LRRC4C: variants seen among roughly 807,000 people sequenced by gnomAD.
The protein encoded by LRRC4C is leucine rich repeat containing 4C, also known as leucine-rich repeat-containing protein 4C.
Under a neutral mutation model 33.6 loss-of-function variants are expected in LRRC4C, and 5 were observed. The ratio of observed to expected loss-of-function variants is 0.15; its 90% confidence interval spans 0.08 to 0.31. The LOEUF is 0.31. Among genes scored for constraint, LRRC4C ranks in the 10% least tolerant of loss-of-function variants. LRRC4C has a pLI of 1.00. For synonymous variants in LRRC4C, 329 were observed against 302.0 expected (o/e 1.09, Z -0.93); for missense variants, 560 against 796.7 (o/e 0.70, Z 3.58).
At chr11:40,701,591 T>A (rs1248825935) in intron 2 of LRRC4C, among the ~76,000 whole-genome samples, 1 of 149,982 alleles carries the variant, frequency 6.7e-6, no homozygotes, top group Non-Finnish European at 1.5e-5. Context: ...TAGGAATATG[T>A]TTTCATATAT....
chr11:40,948,131 C>T (rs1958495926), intron 1 of LRRC4C, among the ~76,000 whole-genome samples: 2 of 151,980 alleles, frequency 1.3e-5, no homozygotes, highest in South Asian at 4.1e-4. Context: ...TCTTATGACT[C>T]CCCCATATAA....
intron 1 of LRRC4C, among the ~76,000 whole-genome samples, chr11:41,387,406 T>C (rs1953403636): frequency 6.6e-6 from 1 of 151,646 alleles, no homozygotes; most frequent in South Asian, 2.1e-4. Context: ...CAAAGAGTTT[T>C]CTAAATCACA....
intron 1 of LRRC4C, among the ~76,000 whole-genome samples, chr11:41,375,747 C>A (rs531887818): frequency 6.6e-6 from 1 of 152,126 alleles, no homozygotes; most frequent in African/African-American, 2.4e-5. Context: ...GAAATAGAAA[C>A]TCATTTTGCC....
At chr11:41,171,482 T>G (rs11036270) in intron 1 of LRRC4C, among the ~76,000 whole-genome samples, 25,519 of 151,624 alleles carry the variant, frequency 0.17, 2,698 homozygotes, top group East Asian at 0.37. Context: ...ACCATCATTC[T>G]CAGAAAGCTA....
intron 2 of LRRC4C, among the ~76,000 whole-genome samples, chr11:40,756,401 T>C (rs942411021): frequency 1.3e-5 from 2 of 152,124 alleles, no homozygotes; most frequent in Non-Finnish European, 2.9e-5. Context: ...TTGTGTTTAA[T>C]TGCATTTACT....
intron 1 of LRRC4C, among the ~76,000 whole-genome samples, chr11:41,178,877 A>C (rs1396524355): frequency 1.3e-5 from 2 of 151,928 alleles, no homozygotes; most frequent in African/African-American, 4.8e-5. Flanking sequence ...TAATTTTTGC[A>C]TTTTTAGTAG....
chr11:40,453,261 C>T (rs1173961452), intron 3 of LRRC4C, among the ~76,000 whole-genome samples: 1 of 152,040 alleles, frequency 6.6e-6, no homozygotes, highest in East Asian at 1.9e-4. Flanking sequence ...TTCTGAGTTT[C>T]ATTTTCTTTA....
chr11:40,300,645 A>G (rs1051994228), intron 4 of LRRC4C, among the ~76,000 whole-genome samples: 5 of 152,206 alleles, frequency 3.3e-5, no homozygotes, highest in Admixed American at 3.3e-4. Flanking sequence ...CAGTATTTGC[A>G]TGTAATCTGT....
intron 5 of LRRC4C, among the ~76,000 whole-genome samples, chr11:40,170,234 C>T (rs1859932133): frequency 6.6e-6 from 1 of 152,112 alleles, no homozygotes; most frequent in African/African-American, 2.4e-5. Flanking sequence ...AGCATTTTAC[C>T]TAATGACTCA....
At chr11:41,314,159 A>C (rs542025300) in intron 1 of LRRC4C, among the ~76,000 whole-genome samples, 1 of 152,266 alleles carries the variant, frequency 6.6e-6, no homozygotes, top group East Asian at 1.9e-4. Context: ...AGGAATAAAT[A>C]CTTAAAATAC....
chr11:41,024,139 T>A (rs1297418617), intron 1 of LRRC4C, among the ~76,000 whole-genome samples: 2 of 151,728 alleles, frequency 1.3e-5, no homozygotes, highest in Non-Finnish European at 2.9e-5. Flanking sequence ...TAATTTCTTA[T>A]CTAAGTGTAG....
chr11:40,796,000 A>G (rs989133407), intron 2 of LRRC4C, among the ~76,000 whole-genome samples: 16 of 152,190 alleles, frequency 1.1e-4, no homozygotes, highest in Non-Finnish European at 1.6e-4. Flanking sequence ...TATATTATCT[A>G]TAAGTTTACT....
chr11:40,698,302 A>AT (rs1422276347), intron 2 of LRRC4C, among the ~76,000 whole-genome samples: 4 of 152,078 alleles, frequency 2.6e-5, no homozygotes, highest in African/African-American at 9.7e-5. Flanking sequence ...ATGTTATCTC[A>AT]TTAATAGAAT....
chr11:41,366,197 G>A (rs1952531110), intron 1 of LRRC4C, among the ~76,000 whole-genome samples: 1 of 124,640 alleles, frequency 8.0e-6, no homozygotes, highest in Non-Finnish European at 1.7e-5. Flanking sequence ...TAGATAGATA[G>A]ACAGATAGAT....
intron 3 of LRRC4C, among the ~76,000 whole-genome samples, chr11:40,354,915 C>G (rs1409182858): frequency 6.6e-6 from 1 of 152,076 alleles, no homozygotes; most frequent in Non-Finnish European, 1.5e-5. Context: ...GAATCTTTAT[C>G]CATAGCCACC....
chr11:41,310,163 G>C lies in LRRC4C; in HGVS notation c.-496+149268C>G, dbSNP rs934825120. ...GCAAGTTTGAGCTGCATTAATAAAG[G>C]CATGTTGTCTAGACTAAAAGAGGTT... On this transcript the variant is annotated intron_variant, in intron 1 of 6. Coordinates refer to ENST00000528697, the MANE Select transcript of LRRC4C (RefSeq NM_001258419.2). Among the ~76,000 whole-genome samples the C allele has an allele frequency of 2.0e-5, 3 of 152,298 alleles. No individual in the cohort carries two copies. The South Asian group carries it at 6.2e-4, about 32-fold the overall frequency.
At chr11:40,359,599 A>T (rs1947854035) in intron 3 of LRRC4C, among the ~76,000 whole-genome samples, 1 of 152,032 alleles carries the variant, frequency 6.6e-6, no homozygotes, top group Admixed American at 6.6e-5. Flanking sequence ...CCCCATCTCA[A>T]TTTATTTTGT....
intron 3 of LRRC4C, among the ~76,000 whole-genome samples, chr11:40,633,976 C>T (rs1963736403): frequency 6.6e-6 from 1 of 152,068 alleles, no homozygotes; most frequent in African/African-American, 2.4e-5. Flanking sequence ...TAAATAATGA[C>T]ACTTGTAAAT....
intron 3 of LRRC4C, among the ~76,000 whole-genome samples, chr11:40,542,578 A>G (rs916609553): frequency 2.0e-5 from 3 of 152,070 alleles, no homozygotes; most frequent in Admixed American, 1.3e-4. Flanking sequence ...ACTTTTTATA[A>G]TAATTTCCTG....
Sources: gnomAD v4.1 joint callset for allele counts (sites outside exome capture counted in the v4.1 genomes callset) on GRCh38, gnomAD v4.1.1 for gene constraint, MANE v1.5 for transcripts, NCBI Gene and HGNC (gene_info 2026-07-23, HGNC 2026-07-21) for gene names.